Variants in DNAH14 observed in about 807,000 individuals in gnomAD.
DNAH14 encodes axonemal beta dynein heavy chain 14.
In DNAH14, 478 loss-of-function variants were observed where a neutral mutation model predicts 520.9. The observed-to-expected ratio is 0.92, with a 90% CI of 0.85 to 0.99. The LOEUF (loss-of-function observed/expected upper bound fraction) is 0.99, where lower values mean the gene tolerates loss of function less well. Among genes scored for constraint, DNAH14 ranks in the 50% least tolerant of loss-of-function variants. The pLI, the probability that DNAH14 is intolerant of heterozygous loss-of-function variation, is 0.00. For missense variants in DNAH14, 4,831 were observed against 5,234.5 expected, an observed-to-expected ratio of 0.92 and a Z score of 2.38; for synonymous variants, 1,581 against 1,757.2, an observed-to-expected ratio of 0.90 and a Z score of 2.51.
At chr1:225,233,800 A>G (rs1306028904) in intron 42 of DNAH14, among the ~76,000 whole-genome samples, 1 of 151,992 alleles carries the variant, frequency 6.6e-6, no homozygotes, top group East Asian at 1.9e-4. Flanking sequence ...ATTAGATCCC[A>G]TTTGTCAATT....
At chr1:225,196,534 G>C (rs1455537964) in intron 38 of DNAH14, among the ~76,000 whole-genome samples, 5 of 152,148 alleles carry the variant, frequency 3.3e-5, no homozygotes, top group African/African-American at 1.2e-4. Context: ...TAGATACCCA[G>C]TAGTGGGATT....
At chr1:225,356,560 T>C (rs1312093917) in intron 73 of DNAH14, among the ~76,000 whole-genome samples, 2 of 152,222 alleles carry the variant, frequency 1.3e-5, no homozygotes, top group Non-Finnish European at 2.9e-5. Context: ...CATGAAAATA[T>C]ATTTAAGCTA....
chr1:225,215,035 G>T (rs1017592158), intron 41 of DNAH14, among the ~76,000 whole-genome samples: 3 of 152,072 alleles, frequency 2.0e-5, no homozygotes, highest in Non-Finnish European at 2.9e-5. Flanking sequence ...GCTTTCTCTT[G>T]TGGTCATTTA....
At chr1:225,004,307 A>G (rs936458045) in intron 9 of DNAH14, among the ~76,000 whole-genome samples, 2 of 152,284 alleles carry the variant, frequency 1.3e-5, no homozygotes, top group African/African-American at 4.8e-5. Context: ...GCAAAGTATA[A>G]GGTAAGGAAT....
intron 23 of DNAH14, among the ~76,000 whole-genome samples, chr1:225,117,404 T>C: frequency 6.6e-6 from 1 of 151,330 alleles, no homozygotes; most frequent in East Asian, 1.9e-4. Flanking sequence ...CAGGCAATAA[T>C]GACAAACTAG....
chr1:225,361,339 T>C (rs146756833), intron 75 of DNAH14, among the ~76,000 whole-genome samples: 1 of 152,372 alleles, frequency 6.6e-6, no homozygotes, highest in Non-Finnish European at 1.5e-5. Flanking sequence ...AATACTTTTC[T>C]AGGCTGTACC....
At chr1:225,349,865 C>A (rs547250490) in intron 71 of DNAH14, among the ~76,000 whole-genome samples, 17 of 152,064 alleles carry the variant, frequency 1.1e-4, no homozygotes, top group Non-Finnish European at 2.4e-4. Flanking sequence ...GACTTCAGTA[C>A]CCCATTTTCA....
chr1:225,237,860 A>G (rs1168791818), intron 42 of DNAH14, among the ~76,000 whole-genome samples: 1 of 152,178 alleles, frequency 6.6e-6, no homozygotes, highest in Non-Finnish European at 1.5e-5. Flanking sequence ...TATTTCAGAA[A>G]GATAGTCTTC....
chr1:224,989,502 G>A (rs763962412), intron 8 of DNAH14, among the ~76,000 whole-genome samples: 1 of 151,974 alleles, frequency 6.6e-6, no homozygotes, highest in Non-Finnish European at 1.5e-5. Flanking sequence ...TAGAATATTG[G>A]TTATCTGTAA....
Position 225,307,555 on chromosome 1 carries a change from G to A in DNAH14, c.9100G>A (p.Glu3034Lys), listed in dbSNP as rs1233278698. ...EELLILGPQV[E>K]QKTKETETLM... ...GCTCTTGATTCTTGGCCCTCAAGTAGAACAAAAAACAAAGGTATGTTTGCT... is the reference window on the plus strand; with the variant it reads ...GCTCTTGATTCTTGGCCCTCAAGTAAAACAAAAAACAAAGGTATGTTTGCT... The change falls in exon 59 of 86, where the codon GAA (glutamate) becomes AAA (lysine). Residue 3034 changes from glutamate to lysine, a missense_variant. Coordinates refer to ENST00000682510, the MANE Select transcript of DNAH14 (RefSeq NM_001367479.1). 1.3e-6 allele frequency: 2 copies of A among 1,536,534 alleles called. No homozygotes were observed. The highest frequency in any genetic ancestry group is 1.2e-5 in the South Asian group (1 of 81,834).
At position 224,987,118 on chromosome 1, in the gene DNAH14, AAGAGACAGAGAC is replaced by A. The variant is rs58030730; in HGVS notation, c.830+12993_830+13004del. 1.6e-3 allele frequency among the ~76,000 whole-genome samples: 245 copies of A among 150,196 alleles called. 3 individuals are homozygous for A. The South Asian group carries it at 0.021, about 13-fold the overall frequency. On this transcript the variant is annotated intron_variant, in intron 8 of 85. Coordinates refer to ENST00000682510, the MANE Select transcript of DNAH14 (RefSeq NM_001367479.1). ...TATGTGGAGAGAGAGGAGAGAGAGA[AAGAGACAGAGAC>A]AGAGACAGAGACAGAGACAGAGACA...
chr1:224,981,203 G>T (rs2489342), intron 8 of DNAH14, among the ~76,000 whole-genome samples: 14,575 of 152,166 alleles, frequency 0.096, 2,253 homozygotes, highest in African/African-American at 0.33. Context: ...TATTGTTAAA[G>T]ATTCTAGCAT....
chr1:225,132,036 C>A (rs1245405236), intron 27 of DNAH14, among the ~76,000 whole-genome samples: 1 of 152,014 alleles, frequency 6.6e-6, no homozygotes, highest in Non-Finnish European at 1.5e-5. Context: ...TTTGATTTTT[C>A]TCCAGAAAAA....
At chr1:224,933,416 T>C (rs1044813902) in intron 1 of DNAH14, among the ~76,000 whole-genome samples, 3 of 152,132 alleles carry the variant, frequency 2.0e-5, no homozygotes, top group African/African-American at 7.2e-5. Context: ...CAATGCCTTT[T>C]ATTTCTTGCT....
intron 8 of DNAH14, 58 bp from the exon 9 acceptor site, chr1:225,002,725 A>T: frequency 3.4e-6 from 5 of 1,475,750 alleles, no homozygotes; most frequent in Non-Finnish European, 4.6e-6. Flanking sequence ...CTTACCTCTA[A>T]ATTAATTTTA....
At chr1:225,353,572 G>C (rs2095395658) in intron 72 of DNAH14, among the ~76,000 whole-genome samples, 1 of 151,980 alleles carries the variant, frequency 6.6e-6, no homozygotes, top group South Asian at 2.1e-4. Context: ...CACCACTTCA[G>C]TTGGTCCAAG....
chr1:225,050,116 C>T, intron 15 of DNAH14, 94 bp from the exon 16 acceptor site: 2 of 1,059,506 alleles, frequency 1.9e-6, no homozygotes, highest in East Asian at 2.9e-5. Flanking sequence ...TAAATCAGCC[C>T]CCATTTTCAA....
chr1:225,042,489 A>T (rs555882281), intron 12 of DNAH14, among the ~76,000 whole-genome samples: 80 of 152,282 alleles, frequency 5.3e-4, no homozygotes, highest in Middle Eastern at 3.4e-3. Context: ...GAGCTTGTAG[A>T]TGATTAAGAG....
chr1:225,352,639 C>T (rs1020945367), intron 72 of DNAH14, among the ~76,000 whole-genome samples: 2 of 151,728 alleles, frequency 1.3e-5, no homozygotes, highest in African/African-American at 4.8e-5. Flanking sequence ...TTAAATTTTG[C>T]CCATCTGTAA....
Sources: gnomAD v4.1 joint callset for allele counts (sites outside exome capture counted in the v4.1 genomes callset) on GRCh38, gnomAD v4.1.1 for gene constraint, MANE v1.5 for transcripts, NCBI Gene and HGNC (gene_info 2026-07-23, HGNC 2026-07-21) for gene names.